The following RSPO3 variants were observed in gnomAD, a reference collection of about 807,000 sequenced individuals.
RSPO3 encodes R-spondin 3, also known as R-spondin-3.
RSPO3 carries 17 observed loss-of-function variants against 36.5 expected under a neutral mutation model. The observed-to-expected ratio is 0.47, with a 90% CI of 0.32 to 0.70. The LOEUF (loss-of-function observed/expected upper bound fraction) is 0.70. RSPO3 is among the 30% of genes least tolerant of loss of function. The probability of loss-of-function intolerance (pLI) is 0.04; values close to 1 mark genes in which losing one functional copy is unlikely to be tolerated. For synonymous variants in RSPO3, 108 were observed against 107.0 expected (o/e 1.01, Z -0.06); for missense variants, 294 against 322.5 (o/e 0.91, Z 0.68).
chr6:127,123,649 A>G (rs1398835029), intron 1 of RSPO3, among the ~76,000 whole-genome samples: 2 of 152,130 alleles, frequency 1.3e-5, no homozygotes, highest in East Asian at 3.8e-4. Flanking sequence ...ATTTTAAAAT[A>G]CCTTCTTTTT....
At chr6:127,182,665 C>T (rs1775212741) in intron 4 of RSPO3, among the ~76,000 whole-genome samples, 1 of 151,904 alleles carries the variant, frequency 6.6e-6, no homozygotes, top group Non-Finnish European at 1.5e-5. Context: ...CCTTGCTACA[C>T]CCTCTTAAAT....
At chr6:127,143,066 G>A (rs1352933031) in intron 1 of RSPO3, among the ~76,000 whole-genome samples, 1 of 151,418 alleles carries the variant, frequency 6.6e-6, no homozygotes. Flanking sequence ...GAAAGTGCTG[G>A]GATTACAGTT....
intron 4 of RSPO3, among the ~76,000 whole-genome samples, chr6:127,176,644 C>A: frequency 6.6e-6 from 1 of 151,588 alleles, no homozygotes; most frequent in South Asian, 2.1e-4. Flanking sequence ...TATGTGTCAA[C>A]AGAAAGTAAT....
chr6:127,150,652 GA>G (rs1401641968), intron 3 of RSPO3, 80 bp downstream of exon 3: 10 of 1,341,378 alleles, frequency 7.5e-6, no homozygotes, highest in Non-Finnish European at 1.0e-5. Flanking sequence ...TTTGCCAAAA[GA>G]ACTTGAAGGT....
At chr6:127,157,723 ATT>A (rs1238853661) in intron 4 of RSPO3, among the ~76,000 whole-genome samples, 1 of 151,950 alleles carries the variant, frequency 6.6e-6, no homozygotes, top group Non-Finnish European at 1.5e-5. Context: ...TAATTTCCAG[ATT>A]TAGTCCTACT....
rs1261663646 is a variant in RSPO3, at chr6:127,188,683, G to T, written c.635-7140G>T. Among the ~76,000 whole-genome samples, 3 of 152,150 alleles carry T rather than the reference G, an allele frequency of 2.0e-5. No homozygotes were observed. The East Asian group carries it at 5.8e-4, about 29-fold the overall frequency. ...CAAAAATAAAAAGAAAGAGAATAGA[G>T]AATGAGATAGTGCTGAATGGTGCTG... On this transcript the variant is annotated intron_variant, in intron 4 of 4. Transcript: ENST00000356698.
intron 1 of RSPO3, among the ~76,000 whole-genome samples, chr6:127,133,074 A>T (rs905792027): frequency 1.3e-5 from 2 of 152,118 alleles, no homozygotes; most frequent in African/African-American, 4.8e-5. Context: ...CTCATTACAG[A>T]CATAGGATTT....
At chr6:127,144,322 A>G (rs1484230520) in intron 1 of RSPO3, among the ~76,000 whole-genome samples, 1 of 152,192 alleles carries the variant, frequency 6.6e-6, no homozygotes, top group Non-Finnish European at 1.5e-5. Flanking sequence ...GTTTACTTAT[A>G]TATAAAGATA....
chr6:127,168,744 A>G (rs976426673), intron 4 of RSPO3, among the ~76,000 whole-genome samples: 2 of 152,084 alleles, frequency 1.3e-5, no homozygotes, highest in Non-Finnish European at 2.9e-5. Flanking sequence ...CTGACATTTA[A>G]GTCTTTAATC....
Position 127,196,061 on chromosome 6 carries a change from C to T in RSPO3, c.*54C>T. ...TGATGCTGCTATCTCAACCAGATGC[C>T]CAGGACAGGTGCTCTAGCCATTAGG... On this transcript the variant is annotated 3_prime_UTR_variant, in exon 5 of 5. Coordinates refer to ENST00000356698, the MANE Select transcript of RSPO3 (RefSeq NM_032784.5). 2 of 1,451,496 alleles carry T rather than the reference C, an allele frequency of 1.4e-6. No homozygotes were observed. Among genetic ancestry groups the T allele is most frequent in the Non-Finnish European group, 1.9e-6 (2 of 1,078,800 alleles). 89.9% of individuals were successfully genotyped at this position (1,451,496 alleles called of 1,614,324 possible). A position where few individuals can be genotyped will look rare whatever the true frequency, so the allele number is the denominator to read the frequency against.
chr6:127,165,597 A>G (rs1157977513), intron 4 of RSPO3, among the ~76,000 whole-genome samples: 1 of 151,946 alleles, frequency 6.6e-6, no homozygotes. Flanking sequence ...GCTTTCTACC[A>G]TGTTTTATAC....
intron 4 of RSPO3, among the ~76,000 whole-genome samples, chr6:127,178,745 C>A (rs1775120148): frequency 6.6e-6 from 1 of 151,754 alleles, no homozygotes; most frequent in Admixed American, 6.6e-5. Flanking sequence ...TCACATCTAA[C>A]TTTTCTTGAT....
At chr6:127,165,747 T>C (rs529463706) in intron 4 of RSPO3, among the ~76,000 whole-genome samples, 16 of 152,052 alleles carry the variant, frequency 1.1e-4, no homozygotes, top group Non-Finnish European at 1.5e-4. Context: ...ATTTAATATT[T>C]GCAGTGTCAG....
intron 4 of RSPO3, among the ~76,000 whole-genome samples, chr6:127,155,893 C>T (rs375756646): frequency 0.041 from 4,160 of 101,468 alleles, 96 homozygotes; most frequent in Non-Finnish European, 0.061. Context: ...TATATATATA[C>T]ACACACACAC....
chr6:127,162,798 T>G (rs1039250822), intron 4 of RSPO3, among the ~76,000 whole-genome samples: 10 of 152,226 alleles, frequency 6.6e-5, no homozygotes, highest in Non-Finnish European at 1.2e-4. Flanking sequence ...CACCAGTAGC[T>G]GCTGTCTTCA....
At chr6:127,120,641 G>T (rs1773824762) in intron 1 of RSPO3, among the ~76,000 whole-genome samples, 1 of 152,240 alleles carries the variant, frequency 6.6e-6, no homozygotes, top group African/African-American at 2.4e-5. Flanking sequence ...CTGCCCCTGG[G>T]CATGAGGGTC....
intron 4 of RSPO3, among the ~76,000 whole-genome samples, chr6:127,190,961 C>T (rs1260266739): frequency 2.0e-5 from 3 of 152,010 alleles, no homozygotes; most frequent in Non-Finnish European, 2.9e-5. Flanking sequence ...GGATATTGAA[C>T]GTGTTCTATG....
chr6:127,151,525 G>T (rs1037972952), intron 3 of RSPO3, among the ~76,000 whole-genome samples: 4 of 152,028 alleles, frequency 2.6e-5, no homozygotes, highest in South Asian at 4.1e-4. Flanking sequence ...TTCAGTACAA[G>T]ATAGTCTCCA....
At chr6:127,125,757 C>T (rs1036844399) in intron 1 of RSPO3, among the ~76,000 whole-genome samples, 4 of 151,846 alleles carry the variant, frequency 2.6e-5, no homozygotes, top group African/African-American at 9.7e-5. Flanking sequence ...GTCTGAAAAC[C>T]ATAGTCACAG....
Sources: allele counts gnomAD v4.1 joint callset (sites outside exome capture counted in the v4.1 genomes callset), GRCh38; gene constraint gnomAD v4.1.1; transcripts MANE v1.5; gene names NCBI Gene and HGNC (gene_info 2026-07-23, HGNC 2026-07-21).